Variants in KCNIP4 observed in about 807,000 individuals in gnomAD.
The protein encoded by KCNIP4 is potassium voltage-gated channel interacting protein 4.
Under a neutral mutation model 34.0 loss-of-function variants are expected in KCNIP4, and 12 were observed. The observed-to-expected ratio is 0.35, with a 90% CI of 0.23 to 0.57. KCNIP4 has a LOEUF of 0.57. Ranked by LOEUF, KCNIP4 falls within the 20% of genes least tolerant of loss-of-function variation. The pLI is 0.83. For missense variants in KCNIP4, 238 were observed against 311.7 expected, an observed-to-expected ratio of 0.76 and a Z score of 1.78; for synonymous variants, 124 against 102.2, an observed-to-expected ratio of 1.21 and a Z score of -1.29.
chr4:21,683,446 ATTTTTTTTTTTTTTTTTTTTTTTTTTTT>A, intron 1 of KCNIP4, among the ~76,000 whole-genome samples: 1 of 46,614 alleles, frequency 2.1e-5, no homozygotes, highest in Admixed American at 3.5e-4. Flanking sequence ...GTGAAGCCAG[ATTTTTTTTTTTTTTTTTTTTTTTTTTTT>A]TTTTTTTTTT....
chr4:21,677,143 A>G (rs906289277), intron 1 of KCNIP4, among the ~76,000 whole-genome samples: 4 of 152,162 alleles, frequency 2.6e-5, no homozygotes, highest in South Asian at 2.1e-4. Context: ...TGTGAATTAC[A>G]TAAGTTAAAA....
chr4:20,981,021 C>CT (rs1736015767), intron 1 of KCNIP4, among the ~76,000 whole-genome samples: 1 of 152,102 alleles, frequency 6.6e-6, no homozygotes, highest in African/African-American at 2.4e-5. Context: ...TACTTGACTA[C>CT]TGATCAAAAA....
intron 1 of KCNIP4, among the ~76,000 whole-genome samples, chr4:21,061,705 A>C (rs1328539302): frequency 6.6e-6 from 1 of 152,210 alleles, no homozygotes; most frequent in East Asian, 1.9e-4. Flanking sequence ...ATCTATGCCT[A>C]AACATTATAT....
intron 3 of KCNIP4, among the ~76,000 whole-genome samples, chr4:20,829,885 T>C (rs918005453): frequency 3.9e-5 from 6 of 152,090 alleles, no homozygotes; most frequent in Non-Finnish European, 7.4e-5. Flanking sequence ...CAGTATTTAT[T>C]TCCCAGCCTG....
chr4:21,105,105 A>G (rs1276285295), intron 1 of KCNIP4, among the ~76,000 whole-genome samples: 1 of 151,654 alleles, frequency 6.6e-6, no homozygotes, highest in Non-Finnish European at 1.5e-5. Flanking sequence ...TATGAACCTT[A>G]AAGTAGTTTT....
intron 1 of KCNIP4, among the ~76,000 whole-genome samples, chr4:21,303,099 AG>A: frequency 6.6e-6 from 1 of 152,348 alleles, no homozygotes; most frequent in African/African-American, 2.4e-5. Flanking sequence ...CATTTAATTT[AG>A]GAAACAATAA....
intron 3 of KCNIP4, among the ~76,000 whole-genome samples, chr4:20,823,379 A>G (rs958353674): frequency 6.6e-6 from 1 of 152,172 alleles, no homozygotes; most frequent in Non-Finnish European, 1.5e-5. Context: ...GTTGGTATCA[A>G]TAGCGTTGCT....
chr4:21,428,802 G>C (rs1371483764), intron 1 of KCNIP4, among the ~76,000 whole-genome samples: 2 of 152,246 alleles, frequency 1.3e-5, no homozygotes, highest in East Asian at 3.9e-4. Flanking sequence ...AATGCTATTT[G>C]ATTGTTTTTA....
At chr4:20,794,589 G>A (rs1026207754) in intron 3 of KCNIP4, among the ~76,000 whole-genome samples, 3 of 152,182 alleles carry the variant, frequency 2.0e-5, no homozygotes, top group Non-Finnish European at 4.4e-5. Context: ...GTAAATCAAA[G>A]CAAAGTAGGG....
intron 1 of KCNIP4, among the ~76,000 whole-genome samples, chr4:21,449,900 A>G (rs2109739592): frequency 6.6e-6 from 1 of 152,060 alleles, no homozygotes; most frequent in East Asian, 1.9e-4. Context: ...CCACCCAACC[A>G]CTTTCCATCT....
At chr4:21,525,951 A>C (rs1010478451) in intron 1 of KCNIP4, among the ~76,000 whole-genome samples, 6 of 152,184 alleles carry the variant, frequency 3.9e-5, no homozygotes, top group East Asian at 1.9e-4. Context: ...ACAAAGAAAA[A>C]TAAGGCAATT....
At chr4:21,077,996 C>T (rs182857441) in intron 1 of KCNIP4, among the ~76,000 whole-genome samples, 7 of 152,088 alleles carry the variant, frequency 4.6e-5, no homozygotes. Flanking sequence ...TTAAGGAAGT[C>T]ATTATCAGGG....
In KCNIP4 at chr4:20,851,877, C is replaced by T. The variant is rs548212189; in HGVS notation, c.164-1210G>A. Among the ~76,000 whole-genome samples the T allele has an allele frequency of 5.3e-5, 8 of 152,164 alleles. No homozygotes were observed. In the East Asian group the frequency reaches 7.7e-4, roughly 15 times the overall value. On this transcript the variant is annotated intron_variant, in intron 2 of 8. Coordinates refer to ENST00000382152, the MANE Select transcript of KCNIP4 (RefSeq NM_025221.6). ...CTCTGATAATGTTCACTAAGGATTC[C>T]AATGAAATCAGATATTTTGCACAGC...
At chr4:21,053,747 T>C (rs1244780545) in intron 1 of KCNIP4, among the ~76,000 whole-genome samples, 4 of 152,140 alleles carry the variant, frequency 2.6e-5, no homozygotes. Flanking sequence ...AAACTAAAAG[T>C]ACAGTACCAT....
At chr4:21,855,475 GTATAAT>G (rs1371144032) in intron 1 of KCNIP4, among the ~76,000 whole-genome samples, 3 of 152,222 alleles carry the variant, frequency 2.0e-5, no homozygotes, top group Admixed American at 2.0e-4. Flanking sequence ...CCCATAGGTA[GTATAAT>G]TATTCTGTGT....
At chr4:21,175,263 G>A (rs1754322123) in intron 1 of KCNIP4, among the ~76,000 whole-genome samples, 1 of 152,114 alleles carries the variant, frequency 6.6e-6, no homozygotes, top group South Asian at 2.1e-4. Context: ...CTATCTTTGG[G>A]AGGGTAGAGG....
intron 1 of KCNIP4, among the ~76,000 whole-genome samples, chr4:21,446,770 A>T (rs1728040861): frequency 6.6e-6 from 1 of 152,142 alleles, no homozygotes; most frequent in South Asian, 2.1e-4. Flanking sequence ...TAATAAAAAA[A>T]AATTATTCCC....
At chr4:21,712,234 A>C (rs1259923794) in intron 1 of KCNIP4, among the ~76,000 whole-genome samples, 2 of 152,218 alleles carry the variant, frequency 1.3e-5, no homozygotes, top group African/African-American at 4.8e-5. Context: ...GAATATGATA[A>C]CTTTATATTG....
chr4:21,185,558 C>T (rs944622375), intron 1 of KCNIP4, among the ~76,000 whole-genome samples: 5 of 152,018 alleles, frequency 3.3e-5, no homozygotes, highest in South Asian at 4.1e-4. Flanking sequence ...TTCATAGACA[C>T]GTGCTTTTGC....
Sources: allele counts gnomAD v4.1 joint callset (sites outside exome capture counted in the v4.1 genomes callset), GRCh38; gene constraint gnomAD v4.1.1; transcripts MANE v1.5; gene names NCBI Gene and HGNC (gene_info 2026-07-23, HGNC 2026-07-21).